Variants in ENTREP2 observed in about 807,000 individuals in gnomAD.
The protein encoded by ENTREP2 is protein ENTREP2.
chr15:29,290,365 T>C, the ENTREP2 span, among the ~76,000 whole-genome samples: 6 of 152,230 alleles, frequency 3.9e-5, no homozygotes, highest in African/African-American at 1.4e-4. Flanking sequence ...GCTCACTCCC[T>C]TGCCTCCTGC....
the ENTREP2 span, chr15:29,136,315 G>A: frequency 4.1e-6 from 6 of 1,449,154 alleles, no homozygotes; most frequent in Non-Finnish European, 5.4e-6. Flanking sequence ...CCGGGACGGT[G>A]TCCCTAGCAT....
chr15:29,629,796 T>C, the ENTREP2 span, among the ~76,000 whole-genome samples: 2 of 152,340 alleles, frequency 1.3e-5, no homozygotes, highest in Non-Finnish European at 2.9e-5. Context: ...TGCTATCACT[T>C]GCATTTTGTT....
chr15:29,330,468 T>C, the ENTREP2 span, among the ~76,000 whole-genome samples: 1 of 151,836 alleles, frequency 6.6e-6, no homozygotes, highest in South Asian at 2.1e-4. Flanking sequence ...AAATAAATAA[T>C]GGTCTTTACC....
the ENTREP2 span, among the ~76,000 whole-genome samples, chr15:29,438,385 G>C: frequency 6.6e-6 from 1 of 152,204 alleles, no homozygotes; most frequent in Non-Finnish European, 1.5e-5. Flanking sequence ...GAGCCAGGTG[G>C]CCATAGTTGG....
the ENTREP2 span, among the ~76,000 whole-genome samples, chr15:29,273,518 G>A: frequency 3.3e-5 from 5 of 152,054 alleles, no homozygotes; most frequent in Non-Finnish European, 7.4e-5. Context: ...TTTATCATAG[G>A]TTCGTGTGAT....
At chr15:29,609,649 A>G in the ENTREP2 span, 2 of 149,838 alleles carry the variant, frequency 1.3e-5, no homozygotes, top group Non-Finnish European at 3.0e-5. Flanking sequence ...ATTGTTACCC[A>G]ATTATTACTA....
chr15:29,673,782 T>C, the ENTREP2 span, among the ~76,000 whole-genome samples: 1 of 152,192 alleles, frequency 6.6e-6, no homozygotes, highest in African/African-American at 2.4e-5. Flanking sequence ...CTCCCAAAGT[T>C]AGTTCATGCC....
At chr15:29,343,578 CTCTCTCTT>C in the ENTREP2 span, among the ~76,000 whole-genome samples, 486 of 147,790 alleles carry the variant, frequency 3.3e-3, 1 homozygote, top group East Asian at 8.2e-3. Flanking sequence ...CAGGCGCTCT[CTCTCTCTT>C]TCTCTCTCTT....
chr15:29,128,673 TGGA>T, the ENTREP2 span: 1 of 808,692 alleles, frequency 1.2e-6, no homozygotes, highest in South Asian at 1.5e-5. Context: ...GAGTAAGAAA[TGGA>T]GGGAGGAGGA....
At chr15:29,380,939 C>A in the ENTREP2 span, among the ~76,000 whole-genome samples, 27 of 150,670 alleles carry the variant, frequency 1.8e-4, no homozygotes, top group African/African-American at 6.3e-4. Flanking sequence ...GCAACCTCTA[C>A]CTCCCGGGTT....
the ENTREP2 span, among the ~76,000 whole-genome samples, chr15:29,377,749 T>A: frequency 6.6e-6 from 1 of 150,706 alleles, no homozygotes; most frequent in Non-Finnish European, 1.5e-5. Context: ...TGAACCCGGG[T>A]GGCAGAGGTT....
At chr15:29,566,850 C>CACACACAA in the ENTREP2 span, among the ~76,000 whole-genome samples, 1 of 149,942 alleles carries the variant, frequency 6.7e-6, no homozygotes, top group Non-Finnish European at 1.5e-5. Context: ...GAAAAATACA[C>CACACACAA]ACACACACAC....
At chr15:29,257,583 T>C in the ENTREP2 span, among the ~76,000 whole-genome samples, 2 of 152,200 alleles carry the variant, frequency 1.3e-5, no homozygotes, top group Non-Finnish European at 2.9e-5. Flanking sequence ...ATTACCACAT[T>C]CCTCATCATA....
At chr15:29,162,459 G>A in the ENTREP2 span, among the ~76,000 whole-genome samples, 18 of 152,126 alleles carry the variant, frequency 1.2e-4, no homozygotes, top group African/African-American at 3.6e-4. Context: ...GACTTGGGGC[G>A]GTTGGATGGG....
At chr15:29,562,360 G>A in the ENTREP2 span, among the ~76,000 whole-genome samples, 2 of 152,206 alleles carry the variant, frequency 1.3e-5, no homozygotes, top group Admixed American at 6.5e-5. Context: ...GAGCATCCAT[G>A]AGTGGTGAGA....
the ENTREP2 span, among the ~76,000 whole-genome samples, chr15:29,162,704 C>T: frequency 6.6e-6 from 1 of 151,994 alleles, no homozygotes; most frequent in African/African-American, 2.4e-5. Context: ...CCACCCCCAC[C>T]TGATCGTCCT....
chr15:29,555,381 G>A, the ENTREP2 span, among the ~76,000 whole-genome samples: 175 of 152,188 alleles, frequency 1.1e-3, 1 homozygote, highest in African/African-American at 3.5e-3. Flanking sequence ...CTACTAGACC[G>A]GACAAGGTTG....
chr15:29,129,701 A>G, the ENTREP2 span, among the ~76,000 whole-genome samples: 2 of 152,092 alleles, frequency 1.3e-5, no homozygotes, highest in South Asian at 4.1e-4. Context: ...AGGCCTCAGA[A>G]TAAGGGGAAG....
At chr15:29,347,217 C>G in the ENTREP2 span, among the ~76,000 whole-genome samples, 1 of 152,272 alleles carries the variant, frequency 6.6e-6, no homozygotes, top group South Asian at 2.1e-4. Flanking sequence ...CTTTGTCACC[C>G]AGGCTAGAGT....
Sources: gnomAD v4.1 joint callset for allele counts (sites outside exome capture counted in the v4.1 genomes callset) on GRCh38, gnomAD v4.1.1 for gene constraint, MANE v1.5 for transcripts, NCBI Gene and HGNC (gene_info 2026-07-23, HGNC 2026-07-21) for gene names.